Variants in PKHD1 observed in about 807,000 individuals in gnomAD.
The protein encoded by PKHD1 is fibrocystin.
PKHD1 carries 291 observed loss-of-function variants against 412.0 expected under a neutral mutation model. The ratio of observed to expected loss-of-function variants is 0.71; its 90% CI spans 0.64 to 0.78. PKHD1 has a LOEUF of 0.78. PKHD1 is among the 30% of genes least tolerant of loss of function. The pLI, the probability that PKHD1 is intolerant of heterozygous loss-of-function variation, is 0.00. For synonymous variants in PKHD1, 1,777 were observed against 1,821.5 expected (o/e 0.98, Z 0.62); for missense variants, 4,825 against 4,950.7 (o/e 0.97, Z 0.76).
chr6:51,721,367 A>G, intron 60 of PKHD1: 7 of 465,344 alleles, frequency 1.5e-5, no homozygotes, highest in Non-Finnish European at 2.0e-5. Flanking sequence ...ATATACCTAT[A>G]TTATTATATT....
At position 51,948,033 on chromosome 6, in the gene PKHD1, C is replaced by T. The variant is rs1789743051; in HGVS notation, c.5908+11837G>A. Among the ~76,000 whole-genome samples, 3 of 152,232 alleles carry T rather than the reference C, an allele frequency of 2.0e-5. 1 individual carries two copies. The South Asian group carries it at 6.2e-4, about 32-fold the overall frequency. Reference sequence around the variant, plus strand: ...GTCTCTCACTCCATAATCAATACTTCAGGAAATTGTATGCATTCCACCTTC... The same window carrying T: ...GTCTCTCACTCCATAATCAATACTTTAGGAAATTGTATGCATTCCACCTTC... On this transcript the variant is annotated intron_variant, in intron 36 of 66. Coordinates refer to ENST00000371117, the MANE Select transcript of PKHD1 (RefSeq NM_138694.4).
At chr6:52,080,139 C>T (rs1335095533) in intron 4 of PKHD1, 131 bp from the exon 5 acceptor site, 10 of 694,514 alleles carry the variant, frequency 1.4e-5, no homozygotes, top group Non-Finnish European at 2.4e-5. Flanking sequence ...CAGCAGTCAC[C>T]TTTCACCTCT....
chr6:51,628,171 C>T (rs1767511581), intron 65 of PKHD1, among the ~76,000 whole-genome samples: 1 of 152,098 alleles, frequency 6.6e-6, no homozygotes, highest in Admixed American at 6.6e-5. Context: ...ATGATTTCAT[C>T]ACCCAAGTAG....
intron 52 of PKHD1, among the ~76,000 whole-genome samples, chr6:51,824,382 A>G (rs1264465453): frequency 6.6e-6 from 1 of 152,140 alleles, no homozygotes; most frequent in African/African-American, 2.4e-5. Context: ...CATCATTTCA[A>G]AGATAAACTG....
At chr6:52,071,704 C>T (rs1810636091) in intron 8 of PKHD1, among the ~76,000 whole-genome samples, 2 of 152,124 alleles carry the variant, frequency 1.3e-5, no homozygotes, top group South Asian at 4.2e-4. Context: ...GGTTCAAATC[C>T]CAGGTCTGCC....
chr6:52,058,691 A>T, intron 15 of PKHD1, 90 bp from the exon 16 acceptor site: 9 of 1,353,186 alleles, frequency 6.7e-6, no homozygotes, highest in Non-Finnish European at 8.4e-6. Flanking sequence ...GCTACTATCA[A>T]GAGAGTTTTG....
In PKHD1 at chr6:51,617,678, G is replaced by A. The variant is rs1766182253; in HGVS notation, c.*1403C>T. 6.6e-6 allele frequency: 1 copy of A among 152,118 alleles called. No homozygotes were observed. The highest frequency in any genetic ancestry group is 2.4e-5 in the African/African-American group (1 of 41,416). The allele number at this position is 152,118 out of a possible 1,614,324, so 9.4% of individuals were successfully genotyped here. A position where few individuals can be genotyped will look rare whatever the true frequency, so the allele number is the denominator to read the frequency against. On this transcript the variant is annotated 3_prime_UTR_variant, in exon 67 of 67. Coordinates refer to ENST00000371117, the MANE Select transcript of PKHD1 (RefSeq NM_138694.4). Reference sequence around the variant, plus strand: ...ATACTCACCAGATGCCTAAAGAAGAGGTTAAAACATTTCTGCCAATTCTTA... The same window carrying A: ...ATACTCACCAGATGCCTAAAGAAGAAGTTAAAACATTTCTGCCAATTCTTA...
chr6:51,662,498 A>C (rs1372852848), intron 60 of PKHD1, among the ~76,000 whole-genome samples: 1 of 152,000 alleles, frequency 6.6e-6, no homozygotes, highest in East Asian at 1.9e-4. Context: ...AAGCTGGAAA[A>C]AAATAACAGA....
At position 51,748,465 on chromosome 6, in the gene PKHD1, T is replaced by C. The variant is rs750812060; in HGVS notation, c.9151A>G (p.Ile3051Val). Residue 3051 changes from isoleucine (I) to valine (V), a missense_variant, in exon 58 of 67, where the codon ATA (isoleucine) becomes GTA (valine). Physicochemically the swap from Ile to Val is conservative, Grantham distance 29. Coordinates refer to ENST00000371117, the MANE Select transcript of PKHD1 (RefSeq NM_138694.4). ...NIVFGTAGHG[I>V]DLEGQAYTVT... Reference sequence around the variant, plus strand: ...GTATAGGCCTGACCCTCTAAATCTATGCCATGGCCAGCTGTGCCAAACACA... The same window carrying C: ...GTATAGGCCTGACCCTCTAAATCTACGCCATGGCCAGCTGTGCCAAACACA... 13 of 1,613,992 alleles carry C rather than the reference T, an allele frequency of 8.1e-6. No individual in the cohort carries two copies. Among genetic ancestry groups the C allele is most frequent in the Non-Finnish European group, 9.3e-6 (11 of 1,179,920 alleles).
chr6:51,916,523 C>G (rs1783838663), intron 37 of PKHD1, among the ~76,000 whole-genome samples: 1 of 152,068 alleles, frequency 6.6e-6, no homozygotes. Flanking sequence ...GAGAACTAGA[C>G]AAGTAAATGG....
intron 35 of PKHD1, among the ~76,000 whole-genome samples, chr6:51,981,310 GCTC>G (rs1562045806): frequency 1.1e-3 from 14 of 12,928 alleles, no homozygotes; most frequent in African/African-American, 1.8e-3. Context: ...CAAAGCTCAA[GCTC>G]TCCCTCTCCC....
chr6:52,017,069 A>G (rs1320303330), intron 34 of PKHD1, among the ~76,000 whole-genome samples: 3 of 152,228 alleles, frequency 2.0e-5, no homozygotes, highest in African/African-American at 7.2e-5. Context: ...GAAAGCGGGG[A>G]AAAAGCCTTC....
At chr6:51,819,517 T>TG (rs1316769862) in intron 52 of PKHD1, among the ~76,000 whole-genome samples, 1 of 152,126 alleles carries the variant, frequency 6.6e-6, no homozygotes, top group Non-Finnish European at 1.5e-5. Flanking sequence ...TTACAGTATA[T>TG]GCTTTCATTA....
intron 65 of PKHD1, among the ~76,000 whole-genome samples, chr6:51,631,625 T>G (rs1338269790): frequency 1.3e-5 from 2 of 152,104 alleles, no homozygotes; most frequent in Admixed American, 1.3e-4. Context: ...GTAAGACAAG[T>G]ATTTCTTTCA....
intron 36 of PKHD1, among the ~76,000 whole-genome samples, chr6:51,940,786 T>G (rs1174739437): frequency 6.6e-6 from 1 of 151,580 alleles, no homozygotes; most frequent in Admixed American, 6.6e-5. Flanking sequence ...TACCTTCTTT[T>G]CAAGGACCTG....
At chr6:51,962,229 C>T (rs1157392818) in intron 35 of PKHD1, among the ~76,000 whole-genome samples, 1 of 152,064 alleles carries the variant, frequency 6.6e-6, no homozygotes. Context: ...TGGTCAGATC[C>T]ATAACCCAGC....
At chr6:51,961,950 A>C (rs1273286674) in intron 35 of PKHD1, among the ~76,000 whole-genome samples, 2 of 152,146 alleles carry the variant, frequency 1.3e-5, no homozygotes, top group African/African-American at 4.8e-5. Context: ...AAGCTCAAGA[A>C]TTGGGACCCA....
intron 9 of PKHD1, 102 bp downstream of exon 9, chr6:52,070,904 A>AT: frequency 1.3e-6 from 1 of 752,742 alleles, no homozygotes; most frequent in South Asian, 1.5e-5. Context: ...AATTATTGTT[A>AT]TTATTATTAT....
chr6:51,944,628 C>T (rs1789155353), intron 36 of PKHD1, among the ~76,000 whole-genome samples: 1 of 152,172 alleles, frequency 6.6e-6, no homozygotes, highest in Non-Finnish European at 1.5e-5. Context: ...CCCTAGTTCC[C>T]TGCCCAACAA....
Sources: allele counts gnomAD v4.1 joint callset (sites outside exome capture counted in the v4.1 genomes callset), GRCh38; gene constraint gnomAD v4.1.1; transcripts MANE v1.5; gene names NCBI Gene and HGNC (gene_info 2026-07-23, HGNC 2026-07-21).